The following GPC6 variants were observed in gnomAD, a reference collection of about 807,000 sequenced individuals.
GPC6 encodes the protein glypican-6.
Under a neutral mutation model 55.2 loss-of-function variants are expected in GPC6, and 14 were observed. The ratio of observed to expected loss-of-function variants is 0.25; its 90% CI spans 0.17 to 0.40. The LOEUF (loss-of-function observed/expected upper bound fraction) is 0.40. Among genes scored for constraint, GPC6 ranks in the 10% least tolerant of loss-of-function variants. The probability of loss-of-function intolerance (pLI) is 1.00; values close to 1 mark genes in which losing one functional copy is unlikely to be tolerated. For missense variants in GPC6, 641 were observed against 708.5 expected (o/e 0.90, Z 1.08); for synonymous variants, 278 against 259.6 (o/e 1.07, Z -0.68).
intron 1 of GPC6, among the ~76,000 whole-genome samples, chr13:93,253,112 A>G (rs1876841536): frequency 6.6e-6 from 1 of 152,218 alleles, no homozygotes; most frequent in African/African-American, 2.4e-5. Flanking sequence ...GGCATATTTT[A>G]GCTATCACTG....
At chr13:94,269,780 C>G (rs942545056) in intron 4 of GPC6, among the ~76,000 whole-genome samples, 3 of 152,132 alleles carry the variant, frequency 2.0e-5, no homozygotes, top group South Asian at 2.1e-4. Context: ...CTGATTGACC[C>G]CAGGTGCTTT....
At chr13:93,997,577 TA>T (rs1438609512) in intron 3 of GPC6, among the ~76,000 whole-genome samples, 2 of 66,330 alleles carry the variant, frequency 3.0e-5, no homozygotes, top group Non-Finnish European at 6.0e-5. Flanking sequence ...TAAAAAGACA[TA>T]ATATGTGTGT....
chr13:94,181,612 G>C (rs1889000661), intron 4 of GPC6, among the ~76,000 whole-genome samples: 1 of 152,122 alleles, frequency 6.6e-6, no homozygotes, highest in Admixed American at 6.6e-5. Flanking sequence ...ATACTTACTG[G>C]TGATGCCAGG....
chr13:93,747,519 A>G (rs185688755), intron 2 of GPC6, among the ~76,000 whole-genome samples: 1 of 152,302 alleles, frequency 6.6e-6, no homozygotes, highest in Non-Finnish European at 1.5e-5. Flanking sequence ...CCCATCATCC[A>G]GCAATTAATT....
At chr13:93,879,944 G>A in intron 3 of GPC6, among the ~76,000 whole-genome samples, 1 of 150,918 alleles carries the variant, frequency 6.6e-6, no homozygotes, top group Admixed American at 6.6e-5. Flanking sequence ...CATTTATGCA[G>A]CCAAAAAACA....
At chr13:93,866,469 A>G (rs943230037) in intron 3 of GPC6, among the ~76,000 whole-genome samples, 19 of 151,814 alleles carry the variant, frequency 1.3e-4, no homozygotes, top group African/African-American at 4.3e-4. Context: ...GAATCAACCT[A>G]AATTCCCATC....
At chr13:94,342,493 T>C (rs1367891055) in intron 6 of GPC6, among the ~76,000 whole-genome samples, 1 of 152,110 alleles carries the variant, frequency 6.6e-6, no homozygotes, top group Non-Finnish European at 1.5e-5. Context: ...AGCCACCAGA[T>C]GTTAGGAGAG....
intron 2 of GPC6, among the ~76,000 whole-genome samples, chr13:93,680,487 G>A (rs1727308814): frequency 6.6e-6 from 1 of 152,130 alleles, no homozygotes; most frequent in African/African-American, 2.4e-5. Context: ...AGAAAGCCTG[G>A]TATATAGGTT....
chr13:94,118,770 T>A (rs557255563), intron 4 of GPC6, among the ~76,000 whole-genome samples: 3 of 152,224 alleles, frequency 2.0e-5, no homozygotes, highest in African/African-American at 7.2e-5. Context: ...AAATTTCCTG[T>A]CTCTAAGGGA....
chr13:93,353,889 A>G (rs970124039), intron 1 of GPC6, among the ~76,000 whole-genome samples: 17 of 152,224 alleles, frequency 1.1e-4, no homozygotes, highest in African/African-American at 3.9e-4. Context: ...CAAAATTCAT[A>G]TACATCTTTA....
Position 94,178,924 on chromosome 13 carries a change from C to G in GPC6, c.878-107425C>G, listed in dbSNP as rs559577897. On this transcript the variant is annotated intron_variant, in intron 4 of 8. Transcript: ENST00000377047. ...AGGCACCCAGTACATCAGCTAAGCA[C>G]TTTTCAAGTAGCAAACACTTGGCTG... is the stretch of plus-strand genomic sequence containing the variant. 1.1e-4 allele frequency among the ~76,000 whole-genome samples: 16 copies of G among 152,328 alleles called. 1 individual carries two copies. The highest frequency in any genetic ancestry group is 5.9e-4 in the Admixed American group (9 of 15,296).
chr13:93,965,201 G>A (rs961048825), intron 3 of GPC6, among the ~76,000 whole-genome samples: 4 of 148,170 alleles, frequency 2.7e-5, no homozygotes, highest in African/African-American at 1.0e-4. Context: ...CACACGGTCA[G>A]GAGATTGAGA....
At position 93,573,919 on chromosome 13, in the gene GPC6, C is replaced by T. The variant is rs116436719; in HGVS notation, c.319+28498C>T. ...GTGTGATCCATTGTCTTTAGGAGAT[C>T]GTAAATGTCCTCTAACAGGATTGAG... On this transcript the variant is annotated intron_variant, in intron 2 of 8. Coordinates refer to ENST00000377047, the MANE Select transcript of GPC6 (RefSeq NM_005708.5). Among the ~76,000 whole-genome samples the T allele has an allele frequency of 6.2e-3, 943 of 152,154 alleles. 18 individuals are homozygous for T. Among genetic ancestry groups the T allele is most frequent in the African/African-American group, 0.021 (864 of 41,506 alleles).
At chr13:93,767,984 C>T (rs1191535859) in intron 2 of GPC6, among the ~76,000 whole-genome samples, 1 of 151,714 alleles carries the variant, frequency 6.6e-6, no homozygotes, top group Non-Finnish European at 1.5e-5. Flanking sequence ...TGGAAATAAG[C>T]ACTAAAAAAA....
intron 3 of GPC6, among the ~76,000 whole-genome samples, chr13:93,927,513 A>G (rs1877923486): frequency 6.6e-6 from 1 of 152,098 alleles, no homozygotes; most frequent in South Asian, 2.1e-4. Flanking sequence ...TTGCTTCCTT[A>G]TCCCTCTGTT....
At chr13:93,908,373 A>AGG in intron 3 of GPC6, among the ~76,000 whole-genome samples, 1 of 152,228 alleles carries the variant, frequency 6.6e-6, no homozygotes, top group Non-Finnish European at 1.5e-5. Context: ...TAGAGCACAA[A>AGG]TGAGTCCACC....
intron 2 of GPC6, among the ~76,000 whole-genome samples, chr13:93,683,979 C>G (rs1881948758): frequency 6.6e-6 from 1 of 152,078 alleles, no homozygotes; most frequent in Admixed American, 6.6e-5. Context: ...ACAGAAGAAG[C>G]AAGCTCTCTC....
intron 2 of GPC6, among the ~76,000 whole-genome samples, chr13:93,789,509 C>CTCTCTCTCTATATA (rs1363454667): frequency 2.1e-5 from 2 of 93,480 alleles, no homozygotes; most frequent in African/African-American, 8.4e-5. Flanking sequence ...CTCTCTCTCT[C>CTCTCTCTCTATATA]TATATATATA....
chr13:93,474,499 A>G (rs1031589903), intron 1 of GPC6, among the ~76,000 whole-genome samples: 3 of 152,122 alleles, frequency 2.0e-5, no homozygotes, highest in Non-Finnish European at 2.9e-5. Flanking sequence ...ACTGTTTACC[A>G]TGACCTTCTG....
Sources: gnomAD v4.1 joint callset for allele counts (sites outside exome capture counted in the v4.1 genomes callset) on GRCh38, gnomAD v4.1.1 for gene constraint, MANE v1.5 for transcripts, NCBI Gene and HGNC (gene_info 2026-07-23, HGNC 2026-07-21) for gene names.